The following EIF3B variants were observed in gnomAD, a reference collection of about 807,000 sequenced individuals.
EIF3B encodes eukaryotic translation initiation factor 3 subunit 9.
A neutral mutation model predicts 104.6 loss-of-function variants in EIF3B; 10 were observed. The ratio of observed to expected loss-of-function variants is 0.10; its 90% CI spans 0.06 to 0.16. The LOEUF (loss-of-function observed/expected upper bound fraction) is 0.16. Among genes scored for constraint, EIF3B ranks in the 10% least tolerant of loss-of-function variants. The pLI, the probability that EIF3B is intolerant of heterozygous loss-of-function variation, is 1.00. For synonymous variants in EIF3B, 542 were observed against 417.2 expected, an observed-to-expected ratio of 1.30 and a Z score of -3.65; for missense variants, 1,014 against 1,087.9, an observed-to-expected ratio of 0.93 and a Z score of 0.96.
At chr7:2,362,572 G>C (rs954086025) in intron 2 of EIF3B, 73 bp from the exon 3 acceptor site, 5 of 1,582,984 alleles carry the variant, frequency 3.2e-6, no homozygotes, top group Non-Finnish European at 4.3e-6. Context: ...TCCGTGGAGA[G>C]GGGTGGGGCG....
intron 12 of EIF3B, chr7:2,373,158 T>C (rs1302600341): frequency 5.8e-6 from 1 of 173,076 alleles, no homozygotes; most frequent in Non-Finnish European, 1.2e-5. Flanking sequence ...TCAGGTGCCT[T>C]TGACCAGGGT....
chr7:2,372,618 G>T, intron 11 of EIF3B, 55 bp from the exon 12 acceptor site: 1 of 1,583,886 alleles, frequency 6.3e-7, no homozygotes, highest in South Asian at 1.1e-5. Context: ...AACTGATCAA[G>T]AGCACTATGT....
At chr7:2,366,945 T>G in intron 8 of EIF3B, 54 bp from the exon 9 acceptor site, 1 of 1,568,054 alleles carries the variant, frequency 6.4e-7, no homozygotes. Flanking sequence ...TAGGTGTGTT[T>G]CTGAGACACT....
chr7:2,358,528 C>CATT (rs1779573658), intron 1 of EIF3B, among the ~76,000 whole-genome samples: 2 of 151,970 alleles, frequency 1.3e-5, no homozygotes, highest in South Asian at 2.1e-4. Flanking sequence ...TTGGAATTAT[C>CATT]ATTATTATTA....
chr7:2,360,651 T>C (rs771902699), intron 1 of EIF3B, 59 bp from the exon 2 acceptor site: 2 of 1,376,432 alleles, frequency 1.5e-6, no homozygotes, highest in Non-Finnish European at 2.0e-6. Flanking sequence ...GTGTGCTCAG[T>C]TAATGTATTA....
chr7:2,358,150 A>C (rs1429363081), intron 1 of EIF3B, among the ~76,000 whole-genome samples: 1 of 151,794 alleles, frequency 6.6e-6, no homozygotes, highest in Non-Finnish European at 1.5e-5. Flanking sequence ...ACTGGAGTGC[A>C]ATGGCTCACC....
At chr7:2,371,890 C>T (rs780465846) in intron 11 of EIF3B, 41 bp downstream of exon 11, 5 of 1,513,882 alleles carry the variant, frequency 3.3e-6, no homozygotes, top group South Asian at 2.2e-5. Flanking sequence ...ATGGGGCCTA[C>T]GTGCTGTTTT....
chr7:2,369,890 C>T (rs1780231105), intron 10 of EIF3B, among the ~76,000 whole-genome samples: 3 of 145,768 alleles, frequency 2.1e-5, no homozygotes, highest in Admixed American at 7.2e-5. Context: ...GATTCTTCTG[C>T]CTCAGCTTCC....
In EIF3B at chr7:2,375,406, C is replaced by G; in HGVS notation, c.1907C>G (p.Ala636Gly). 1 of 1,614,182 alleles carries G rather than the reference C, an allele frequency of 6.2e-7. No homozygotes were observed. Among genetic ancestry groups the G allele is most frequent in the Non-Finnish European group, 8.5e-7 (1 of 1,180,010 alleles). The change falls in exon 14 of 19, where the codon GCG becomes GGG. Residue 636 changes from alanine (A) to glycine (G), a missense_variant. Transcript: ENST00000360876. The part of the protein sequence containing the change: ...AGLRSMNGAL[A>G]FVDTSDCTVM... ...CTTTGCAGTATGAACGGTGCCTTAG[C>G]GTTTGTGGACACTTCGGACTGCACG...
intron 1 of EIF3B, 142 bp from the exon 2 acceptor site, chr7:2,360,568 T>A (rs916432003): frequency 1.6e-6 from 1 of 632,982 alleles, no homozygotes; most frequent in African/African-American, 1.8e-5. Flanking sequence ...TGAAACAAGC[T>A]AGGGTTAGGA....
chr7:2,380,295 G>A lies in EIF3B; in HGVS notation c.*106G>A. 1.9e-6 allele frequency: 1 copy of A among 514,506 alleles called. No individual in the cohort carries two copies. The allele number at this position is 514,506 out of a possible 1,614,324, so 31.9% of individuals were successfully genotyped here. ...CTGTTGCAGCGCAGCCGTGTGTGCT[G>A]TGGAGCCGAGGCCGTCCTGCAGGAA... On this transcript the variant is annotated 3_prime_UTR_variant, in exon 19 of 19. Transcript: ENST00000360876.
At chr7:2,361,763 A>G (rs1779742387) in intron 2 of EIF3B, among the ~76,000 whole-genome samples, 1 of 151,008 alleles carries the variant, frequency 6.6e-6, no homozygotes, top group Non-Finnish European at 1.5e-5. Context: ...ACAATATTAG[A>G]CTACTTTTAA....
At position 2,380,393 on chromosome 7, in the gene EIF3B, G is replaced by C. The variant is rs377583925; in HGVS notation, c.*204G>C. 1.9e-6 allele frequency: 1 copy of C among 518,796 alleles called. No homozygotes were observed. Among genetic ancestry groups the C allele is most frequent in the Non-Finnish European group, 3.9e-6 (1 of 259,740 alleles). The allele number at this position is 518,796 out of a possible 1,614,324, so 32.1% of individuals were successfully genotyped here. A position where few individuals can be genotyped will look rare whatever the true frequency, so the allele number is the denominator to read the frequency against. ...GACTGCGCCTGGATTCTGCCATTGCGACACATTTTTGTGCCTTTCAGCCCC... is the reference window on the plus strand; with the variant it reads ...GACTGCGCCTGGATTCTGCCATTGCCACACATTTTTGTGCCTTTCAGCCCC... On this transcript the variant is annotated 3_prime_UTR_variant, in exon 19 of 19. Transcript: ENST00000360876.
chr7:2,357,471 C>G (rs1290514602), intron 1 of EIF3B, among the ~76,000 whole-genome samples: 1 of 152,238 alleles, frequency 6.6e-6, no homozygotes, highest in African/African-American at 2.4e-5. Flanking sequence ...TCCAGAAGGG[C>G]CAAGTCTTCC....
intron 6 of EIF3B, among the ~76,000 whole-genome samples, chr7:2,366,010 T>C (rs893362099): frequency 1.3e-5 from 2 of 152,154 alleles, no homozygotes; most frequent in African/African-American, 2.4e-5. Context: ...TGTTAGTCTT[T>C]ATTAAACATG....
chr7:2,368,986 C>T (rs1057190497), intron 9 of EIF3B, among the ~76,000 whole-genome samples: 3 of 152,200 alleles, frequency 2.0e-5, no homozygotes, highest in African/African-American at 2.4e-5. Flanking sequence ...AGGAGCCGTT[C>T]GTTACAGCAG....
At chr7:2,371,004 A>G (rs989076696) in intron 10 of EIF3B, among the ~76,000 whole-genome samples, 1 of 152,170 alleles carries the variant, frequency 6.6e-6, no homozygotes, top group Non-Finnish European at 1.5e-5. Context: ...CGGAGCTTGC[A>G]GTGAGCCGAG....
In EIF3B at chr7:2,365,583, G is replaced by A. The variant is rs1044040626; in HGVS notation, c.1158-734G>A. Among the ~76,000 whole-genome samples the A allele has an allele frequency of 5.3e-5, 8 of 152,268 alleles. No homozygotes were observed. The East Asian group carries it at 1.3e-3, about 26-fold the overall frequency. ...CAGCAGTCAGGTAAATCATGGCTGGGAGGAGCCCCCAGGCTCTGAAGTTTC... is the reference window on the plus strand; with the variant it reads ...CAGCAGTCAGGTAAATCATGGCTGGAAGGAGCCCCCAGGCTCTGAAGTTTC... On this transcript the variant is annotated intron_variant, in intron 6 of 18. Transcript: ENST00000360876.
At chr7:2,362,023 G>A (rs553823183) in intron 2 of EIF3B, among the ~76,000 whole-genome samples, 1 of 151,398 alleles carries the variant, frequency 6.6e-6, no homozygotes, top group African/African-American at 2.4e-5. Context: ...GCAGTGGCAC[G>A]ATCTTGGCTC....
Sources: gnomAD v4.1 joint callset for allele counts (sites outside exome capture counted in the v4.1 genomes callset) on GRCh38, gnomAD v4.1.1 for gene constraint, MANE v1.5 for transcripts, NCBI Gene and HGNC (gene_info 2026-07-23, HGNC 2026-07-21) for gene names.